Variants in AKT3 observed in about 807,000 individuals in gnomAD.
AKT3 encodes the protein RAC-gamma serine/threonine-protein kinase.
In AKT3, 15 loss-of-function variants were observed where a neutral mutation model predicts 65.3. That is an observed-to-expected ratio of 0.23 (90% confidence interval 0.15 to 0.35). The LOEUF is 0.35. AKT3 is among the 10% of genes least tolerant of loss of function. The pLI, the probability that AKT3 is intolerant of heterozygous loss-of-function variation, is 1.00. For synonymous variants in AKT3, 206 were observed against 183.8 expected (o/e 1.12, Z -0.98); for missense variants, 243 against 576.5 (o/e 0.42, Z 5.92).
intron 4 of AKT3, among the ~76,000 whole-genome samples, chr1:243,652,770 G>GAAAAAAAAAAA: frequency 1.6e-3 from 5 of 3,182 alleles, no homozygotes; most frequent in African/African-American, 2.2e-3. Context: ...CAAATAGAAA[G>GAAAAAAAAAAA]CAAAAAAAAA....
At chr1:243,726,111 A>C (rs1687194171) in intron 2 of AKT3, among the ~76,000 whole-genome samples, 1 of 152,094 alleles carries the variant, frequency 6.6e-6, no homozygotes, top group African/African-American at 2.4e-5. Flanking sequence ...TCATCTTTTC[A>C]AATCTGTTTT....
chr1:243,550,244 T>C (rs1487858685), intron 11 of AKT3, among the ~76,000 whole-genome samples: 1 of 152,220 alleles, frequency 6.6e-6, no homozygotes, highest in Non-Finnish European at 1.5e-5. Flanking sequence ...CTCTGTATTT[T>C]GATGCAGCAG....
At position 243,500,930 on chromosome 1, in the gene AKT3, CTTAA is replaced by C. The variant is rs1389315197; in HGVS notation, c.*4315_*4318del. On this transcript the variant is annotated 3_prime_UTR_variant, in exon 14 of 14. Coordinates refer to ENST00000673466, the MANE Select transcript of AKT3 (RefSeq NM_005465.7). ...TGTCACATAAGATATTTTAATTGTC[CTTAA>C]TTCTGTTTTAGATATACTGTGAATA... The C allele has an allele frequency of 8.8e-6, 2 of 227,512 alleles. No individual in the cohort carries two copies. Among genetic ancestry groups the C allele is most frequent in the African/African-American group, 2.2e-5 (1 of 44,994 alleles). 14.1% of individuals were successfully genotyped at this position (227,512 alleles called of 1,614,324 possible).
chr1:243,779,922 T>C (rs995577838), intron 2 of AKT3, among the ~76,000 whole-genome samples: 1 of 152,008 alleles, frequency 6.6e-6, no homozygotes, highest in African/African-American at 2.4e-5. Flanking sequence ...ATGATGATAG[T>C]AAAAGATTAT....
intron 2 of AKT3, among the ~76,000 whole-genome samples, chr1:243,835,830 T>A (rs535678719): frequency 9.7e-4 from 148 of 152,152 alleles, no homozygotes; most frequent in Non-Finnish European, 1.2e-3. Context: ...GGTATTTTTT[T>A]AAAAAAATAA....
At chr1:243,523,109 G>A (rs1321226330) in intron 12 of AKT3, among the ~76,000 whole-genome samples, 2 of 152,108 alleles carry the variant, frequency 1.3e-5, no homozygotes, top group African/African-American at 2.4e-5. Flanking sequence ...TGTTCTGCAA[G>A]GAAGCTATTG....
At chr1:243,714,608 A>C (rs990791449) in intron 2 of AKT3, among the ~76,000 whole-genome samples, 5 of 152,170 alleles carry the variant, frequency 3.3e-5, no homozygotes, top group African/African-American at 9.6e-5. Flanking sequence ...ATGTCCTAAA[A>C]ATTTTAGGAA....
intron 2 of AKT3, among the ~76,000 whole-genome samples, chr1:243,758,328 C>T (rs372722858): frequency 4.6e-5 from 7 of 152,264 alleles, no homozygotes; most frequent in South Asian, 2.1e-4. Flanking sequence ...CTCATTGAGA[C>T]GGCAACTTTT....
intron 12 of AKT3, among the ~76,000 whole-genome samples, chr1:243,538,836 A>C (rs1454817386): frequency 6.6e-6 from 1 of 152,102 alleles, no homozygotes; most frequent in African/African-American, 2.4e-5. Context: ...TCTCTTAAAA[A>C]AAAAAAGAAA....
intron 2 of AKT3, among the ~76,000 whole-genome samples, chr1:243,709,997 A>G (rs1686045338): frequency 6.6e-6 from 1 of 152,174 alleles, no homozygotes; most frequent in African/African-American, 2.4e-5. Context: ...TTTTTGAACT[A>G]AAACACATTA....
intron 12 of AKT3, among the ~76,000 whole-genome samples, chr1:243,531,516 A>G (rs1242864950): frequency 6.6e-6 from 1 of 152,228 alleles, no homozygotes; most frequent in East Asian, 1.9e-4. Flanking sequence ...CATAAATACA[A>G]TGCTTTTTAT....
intron 3 of AKT3, among the ~76,000 whole-genome samples, chr1:243,686,259 A>C (rs922695029): frequency 4.6e-5 from 7 of 152,128 alleles, no homozygotes; most frequent in African/African-American, 1.7e-4. Context: ...TTACTTCTTT[A>C]GCCATAGTGA....
At chr1:243,661,040 G>C (rs1037250208) in intron 4 of AKT3, among the ~76,000 whole-genome samples, 12 of 152,270 alleles carry the variant, frequency 7.9e-5, no homozygotes, top group African/African-American at 2.6e-4. Context: ...ACAAAACACT[G>C]CTCAAAGAAA....
At chr1:243,597,785 G>C (rs969482717) in intron 8 of AKT3, among the ~76,000 whole-genome samples, 1 of 152,134 alleles carries the variant, frequency 6.6e-6, no homozygotes, top group Non-Finnish European at 1.5e-5. Flanking sequence ...TGAGCCACTG[G>C]GCCTGGCCTA....
chr1:243,490,398 C>T (rs969003492), intron 13 of AKT3, among the ~76,000 whole-genome samples: 6 of 152,228 alleles, frequency 3.9e-5, no homozygotes, highest in Admixed American at 2.0e-4. Context: ...TCACCTGGCA[C>T]GCTCCATGGC....
chr1:243,523,858 A>G (rs1430780815), intron 12 of AKT3, among the ~76,000 whole-genome samples: 1 of 152,228 alleles, frequency 6.6e-6, no homozygotes, highest in African/African-American at 2.4e-5. Context: ...TATCTTAGCT[A>G]TCTCTGCAAG....
At chr1:243,789,458 C>T (rs1241702628) in intron 2 of AKT3, among the ~76,000 whole-genome samples, 2 of 152,228 alleles carry the variant, frequency 1.3e-5, no homozygotes, top group African/African-American at 2.4e-5. Flanking sequence ...CATAATACTG[C>T]AACAATTCAG....
At chr1:243,793,910 T>C (rs1691785406) in intron 2 of AKT3, among the ~76,000 whole-genome samples, 2 of 152,210 alleles carry the variant, frequency 1.3e-5, no homozygotes, top group Non-Finnish European at 2.9e-5. Context: ...ATTATTCTCA[T>C]TCTACTGAGA....
intron 4 of AKT3, among the ~76,000 whole-genome samples, chr1:243,654,153 G>C (rs1386466579): frequency 6.6e-6 from 1 of 151,702 alleles, no homozygotes; most frequent in Non-Finnish European, 1.5e-5. Flanking sequence ...TTTAGTAATT[G>C]TAACTTAAAT....
Sources: allele counts gnomAD v4.1 joint callset (sites outside exome capture counted in the v4.1 genomes callset), GRCh38; gene constraint gnomAD v4.1.1; transcripts MANE v1.5; gene names NCBI Gene and HGNC (gene_info 2026-07-23, HGNC 2026-07-21).